Variants in AR observed in about 807,000 individuals in gnomAD.
AR encodes the protein androgen receptor.
A neutral mutation model predicts 53.9 loss-of-function variants in AR; 8 were observed. The observed-to-expected ratio is 0.15, with a 90% CI of 0.09 to 0.27. The LOEUF (loss-of-function observed/expected upper bound fraction) is 0.27, where lower values mean the gene tolerates loss of function less well. AR is among the 10% of genes least tolerant of loss of function. AR has a pLI of 1.00. For synonymous variants in AR, 359 were observed against 316.4 expected, an observed-to-expected ratio of 1.13 and a Z score of -1.43; for missense variants, 639 against 742.5, an observed-to-expected ratio of 0.86 and a Z score of 1.62.
At chrX:67,628,233 G>C (rs952383020) in intron 1 of AR, among the ~76,000 whole-genome samples, 7 of 108,279 alleles carry the variant, frequency 6.5e-5, no homozygotes, top group African/African-American at 2.3e-4. Flanking sequence ...TGGGCAGTAT[G>C]GCCATTTTCA....
intron 1 of AR, among the ~76,000 whole-genome samples, chrX:67,636,575 A>T (rs1263184955): frequency 1.8e-5 from 2 of 111,749 alleles, no homozygotes; most frequent in African/African-American, 6.5e-5. Context: ...TTTATCATTT[A>T]TGCTTTAATA....
At chrX:67,699,191 G>A (rs746138983) in intron 3 of AR, among the ~76,000 whole-genome samples, 1 of 112,530 alleles carries the variant, frequency 8.9e-6, no homozygotes, top group African/African-American at 3.2e-5. Context: ...TGTTTTGTAA[G>A]TCAGAAGTCT....
Position 67,717,599 on chromosome X carries a change from C to T in AR, c.2295C>T (p.Phe765=), listed in dbSNP as rs369390411. ...FTNVNSRMLY[F]APDLVFNEYR... ...ATGTCAACTCCAGGATGCTCTACTT[C>T]GCCCCTGATCTGGTTTTCAATGAGT... The change falls in exon 5 of 8, where the codon TTC becomes TTT. Residue 765 remains phenylalanine (F), a synonymous_variant. Transcript: ENST00000374690. 37 of 1,211,043 alleles carry T rather than the reference C, an allele frequency of 3.1e-5. No individual in the cohort carries two copies. The highest frequency in any genetic ancestry group is 2.3e-4 in the Middle Eastern group (1 of 4,373).
intron 2 of AR, among the ~76,000 whole-genome samples, chrX:67,680,526 C>A (rs2075926888): frequency 8.9e-6 from 1 of 111,873 alleles, no homozygotes; most frequent in African/African-American, 3.2e-5. Context: ...TTAAATACCA[C>A]CATGAAGTTT....
intron 3 of AR, chrX:67,689,477 G>A: frequency 1.5e-6 from 1 of 656,558 alleles, no homozygotes; most frequent in Non-Finnish European, 2.0e-6. Flanking sequence ...AATCTCTTCA[G>A]TTCAGAGATA....
intron 1 of AR, among the ~76,000 whole-genome samples, chrX:67,555,633 G>A (rs1382759714): frequency 8.9e-6 from 1 of 112,365 alleles, no homozygotes; most frequent in Non-Finnish European, 1.9e-5. Context: ...AAACAATTCG[G>A]GGAGTAAGGG....
chrX:67,720,453 C>T (rs773085680), intron 5 of AR, among the ~76,000 whole-genome samples: 15 of 111,743 alleles, frequency 1.3e-4, no homozygotes, highest in Non-Finnish European at 2.6e-4. Context: ...GCAGCATTGT[C>T]ATCAACAGAG....
rs1204038 is a variant in AR, at chrX:67,568,383, G to A, written c.1616+21621G>A. On this transcript the variant is annotated intron_variant, in intron 1 of 7. Transcript: ENST00000374690. ...ACTGGGCAACTGAAACCCAGACAGG[G>A]AAGGGAATTAGACCAAGTTCACAAG... 0.34 allele frequency among the ~76,000 whole-genome samples: 37,832 copies of A among 110,698 alleles called. 8,949 individuals are homozygous for A. Among genetic ancestry groups the A allele is most frequent in the African/African-American group, 0.86 (25,961 of 30,173 alleles).
intron 3 of AR, among the ~76,000 whole-genome samples, chrX:67,693,767 T>G (rs2076006675): frequency 8.9e-6 from 1 of 111,997 alleles, no homozygotes; most frequent in African/African-American, 3.2e-5. Context: ...CTGCATCACC[T>G]TTTTTGGAAT....
intron 2 of AR, among the ~76,000 whole-genome samples, chrX:67,660,646 G>A (rs762485678): frequency 6.4e-4 from 71 of 111,665 alleles, no homozygotes; most frequent in African/African-American, 2.3e-3. Context: ...GTCAGATAGC[G>A]TGATGCCTCC....
intron 1 of AR, among the ~76,000 whole-genome samples, chrX:67,591,369 G>A (rs778248095): frequency 1.8e-5 from 2 of 111,575 alleles, no homozygotes; most frequent in South Asian, 7.6e-4. Flanking sequence ...AGAGAAAAAG[G>A]AGTTTAGAGG....
At chrX:67,706,433 A>G (rs974924631) in intron 3 of AR, among the ~76,000 whole-genome samples, 19 of 111,955 alleles carry the variant, frequency 1.7e-4, no homozygotes, top group African/African-American at 5.8e-4. Flanking sequence ...GTTTATTTGC[A>G]TAGAGGTATT....
chrX:67,726,898 A>T lies in AR; in HGVS notation c.*3057A>T, dbSNP rs2076159818. The T allele has an allele frequency of 1.2e-5, 2 of 173,900 alleles. No individual in the cohort carries two copies. The highest frequency in any genetic ancestry group is 1.6e-4 in the Admixed American group (2 of 12,745). 14.3% of individuals were successfully genotyped at this position (173,900 alleles called of 1,213,427 possible). ...ACCCACTTAGCTGGTGAGCTAGAAG[A>T]TGAGGATCACTCACTGGAAAAGTCA... On this transcript the variant is annotated 3_prime_UTR_variant, in exon 8 of 8. Coordinates refer to ENST00000374690, the MANE Select transcript of AR (RefSeq NM_000044.6).
chrX:67,561,385 A>G (rs750030968), intron 1 of AR, among the ~76,000 whole-genome samples: 7 of 112,176 alleles, frequency 6.2e-5, no homozygotes, highest in Non-Finnish European at 1.3e-4. Context: ...GCAACTGCAG[A>G]TGGAAAATAT....
In AR at chrX:67,723,737, A is replaced by G. The variant is rs755226547; in HGVS notation, c.2659A>G (p.Met887Val). 3.5e-5 allele frequency: 42 copies of G among 1,208,387 alleles called. No homozygotes were observed. In the East Asian group the frequency reaches 7.4e-4, roughly 21 times the overall value. The change falls in exon 8 of 8, where the codon ATG becomes GTG. Residue 887 changes from methionine to valine, a missense_variant. By Grantham distance (21) the Met-to-Val change is conservative. Around this residue, in one of 5 missense-constraint regions of AR, gnomAD observed 95 missense variants for 196.4 expected, o/e 0.48. Transcript: ENST00000374690. ...TTTTGACCTGCTAATCAAGTCACAC[A>G]TGGTGAGCGTGGACTTTCCGGAAAT... is the stretch of plus-strand genomic sequence containing the variant. ...FTFDLLIKSH[M>V]VSVDFPEMMA...
At chrX:67,633,856 A>G (rs752697822) in intron 1 of AR, among the ~76,000 whole-genome samples, 5 of 112,188 alleles carry the variant, frequency 4.5e-5, no homozygotes, top group Non-Finnish European at 9.4e-5. Context: ...TGTCCATAAA[A>G]GAAAAATATT....
At chrX:67,690,843 G>C (rs1005833404) in intron 3 of AR, among the ~76,000 whole-genome samples, 1 of 111,748 alleles carries the variant, frequency 8.9e-6, no homozygotes, top group Non-Finnish European at 1.9e-5. Context: ...AAGGTAAAGC[G>C]TACAGTTTGA....
intron 3 of AR, chrX:67,695,669 T>C (rs2076016327): frequency 5.3e-6 from 4 of 750,163 alleles, no homozygotes; most frequent in African/African-American, 2.4e-5. Context: ...GAAACACACA[T>C]GTGAGAGTCA....
intron 2 of AR, among the ~76,000 whole-genome samples, chrX:67,644,212 C>T (rs1048856294): frequency 8.9e-6 from 1 of 111,888 alleles, no homozygotes; most frequent in African/African-American, 3.2e-5. Flanking sequence ...TGTCTCCTTC[C>T]TCTAACCACC....
Sources: allele counts gnomAD v4.1 joint callset (sites outside exome capture counted in the v4.1 genomes callset), GRCh38; gene constraint gnomAD v4.1.1; regional missense constraint gnomAD v4.1.1; transcripts MANE v1.5; gene names NCBI Gene and HGNC (gene_info 2026-07-23, HGNC 2026-07-21).